Variants in CRHR1 observed in about 807,000 individuals in gnomAD.
CRHR1 encodes corticotropin-releasing hormone receptor 1.
In CRHR1, 28 loss-of-function variants were observed where a neutral mutation model predicts 56.0. The observed-to-expected ratio is 0.50, with a 90% CI of 0.37 to 0.69. CRHR1 has a LOEUF of 0.69. Ranked by LOEUF, CRHR1 falls within the 30% of genes least tolerant of loss-of-function variation. The pLI, the probability that CRHR1 is intolerant of heterozygous loss-of-function variation, is 0.00. For synonymous variants in CRHR1, 195 were observed against 216.5 expected (o/e 0.90, Z 0.87); for missense variants, 376 against 548.0 (o/e 0.69, Z 3.13).
chr17:45,825,987 T>C (rs1196395790), intron 4 of CRHR1: 1 of 152,374 alleles, frequency 6.6e-6, no homozygotes, highest in Non-Finnish European at 1.5e-5. Flanking sequence ...AATTGCTTAT[T>C]CAATTCAGAT....
chr17:45,786,957 C>T lies in CRHR1; in HGVS notation c.33+2380C>T, dbSNP rs114701236. On this transcript the variant is annotated intron_variant, in intron 1 of 12. Coordinates refer to ENST00000314537, the MANE Select transcript of CRHR1 (RefSeq NM_004382.5). ...TGCCCGGCCATTACCAGAAAATATTCGAAGCCACCTAAATCTCACTCTAGA... is the reference window on the plus strand; with the variant it reads ...TGCCCGGCCATTACCAGAAAATATTTGAAGCCACCTAAATCTCACTCTAGA... Among the ~76,000 whole-genome samples the T allele has an allele frequency of 1.1e-3, 164 of 152,184 alleles. 1 individual carries two copies. The highest frequency in any genetic ancestry group is 3.6e-3 in the African/African-American group (148 of 41,498).
chr17:45,794,725 G>C (rs1427786614), intron 1 of CRHR1, among the ~76,000 whole-genome samples: 1 of 152,232 alleles, frequency 6.6e-6, no homozygotes, highest in Non-Finnish European at 1.5e-5. Context: ...GCAGCCCCTA[G>C]TGGGGCAAGG....
rs897569304 is a variant in CRHR1, at chr17:45,784,357, C to G, written c.-188C>G. 1.8e-5 allele frequency: 6 copies of G among 341,736 alleles called. No homozygotes were observed. The highest frequency in any genetic ancestry group is 2.5e-5 in the Non-Finnish European group (5 of 198,282). The allele number at this position is 341,736 out of a possible 1,614,324, so 21.2% of individuals were successfully genotyped here. On this transcript the variant is annotated 5_prime_UTR_variant, in exon 1 of 13. Transcript: ENST00000314537. This position sits in a 1 kb window ranked among gnomAD's most constrained non-coding sequence, Gnocchi z 4.2. ...CCAGACTTCCCCGGGAAGGGGCGAG[C>G]GAGAGCCGGGCCGGGCCGGGCCGGG...
At chr17:45,820,275 G>A (rs564958612) in intron 3 of CRHR1, among the ~76,000 whole-genome samples, 1 of 152,344 alleles carries the variant, frequency 6.6e-6, no homozygotes, top group African/African-American at 2.4e-5. Context: ...CATGTTTAGA[G>A]CTACTGATGC....
chr17:45,796,494 G>A lies in CRHR1; in HGVS notation c.34-10516G>A, dbSNP rs146929337. ...TGTCTTTTGGAGGATCCAGGCTTGT[G>A]ATGAGGAAGAGGAGGGAAGGGAAGG... On this transcript the variant is annotated intron_variant, in intron 1 of 12. Transcript: ENST00000314537. Among the ~76,000 whole-genome samples the A allele has an allele frequency of 1.6e-3, 237 of 152,194 alleles. 1 individual carries two copies. The highest frequency in any genetic ancestry group is 5.5e-3 in the African/African-American group (230 of 41,514).
In CRHR1 at chr17:45,830,197, G is replaced by A. The variant is rs776070057; in HGVS notation, c.538G>A (p.Val180Ile). 3.8e-5 allele frequency: 62 copies of A among 1,613,978 alleles called. 1 individual carries two copies. Among genetic ancestry groups the A allele is most frequent in the Admixed American group, 2.5e-4 (15 of 59,996 alleles). Reference sequence around the variant, plus strand: ...GGTCCAGCTAACCATGAGCCCCGAGGTCCACCAGAGCAACGTGGTACGTCC... The same window carrying A: ...GGTCCAGCTAACCATGAGCCCCGAGATCCACCAGAGCAACGTGGTACGTCC... The part of the protein sequence containing the change: ...FVVQLTMSPE[V>I]HQSNVGWCRL... The change falls in exon 6 of 13, where the codon GTC becomes ATC. Residue 180 changes from valine (V) to isoleucine (I), a missense_variant. Coordinates refer to ENST00000314537, the MANE Select transcript of CRHR1 (RefSeq NM_004382.5).
Position 45,830,924 on chromosome 17 carries a change from T to A in CRHR1, c.754T>A (p.Tyr252Asn), listed in dbSNP as rs2062293837. The stretch of plus-strand genomic sequence containing the variant: ...TGTGGCCTGGGCCATTGGGAAGCTG[T>A]ACTACGACAATGAGAAGTAAGTCAT... ...IIVAWAIGKL[Y>N]YDNEKCWFGK... Residue 252 changes from tyrosine to asparagine, a missense_variant, in exon 8 of 13, where the codon TAC (tyrosine) becomes AAC (asparagine). Around this residue, in one of 2 missense-constraint regions of CRHR1, gnomAD observed 369 missense variants for 519.5 expected, o/e 0.71. Transcript: ENST00000314537. 1 of 1,613,764 alleles carries A rather than the reference T, an allele frequency of 6.2e-7. No homozygotes were observed. Among genetic ancestry groups the A allele is most frequent in the African/African-American group, 1.3e-5 (1 of 74,922 alleles).
At chr17:45,833,564 C>T (rs748904023) in intron 10 of CRHR1, 27 bp downstream of exon 10, 4 of 1,605,066 alleles carry the variant, frequency 2.5e-6, no homozygotes, top group Non-Finnish European at 3.4e-6. Flanking sequence ...TTCCTCAGGC[C>T]TCCCCCTGAT....
intron 2 of CRHR1, among the ~76,000 whole-genome samples, chr17:45,809,542 C>T (rs1311379787): frequency 1.3e-5 from 2 of 152,248 alleles, no homozygotes; most frequent in Admixed American, 6.5e-5. Context: ...GTGCCCGTGC[C>T]CCCAGCCCAG....
At chr17:45,800,245 T>C (rs1229865462) in intron 1 of CRHR1, 2 of 152,226 alleles carry the variant, frequency 1.3e-5, no homozygotes, top group Non-Finnish European at 2.9e-5. Context: ...CACCACTCAA[T>C]CCAGTGGATT....
intron 3 of CRHR1, 144 bp downstream of exon 3, chr17:45,816,726 T>C (rs2061936943): frequency 7.6e-7 from 1 of 1,314,536 alleles, no homozygotes; most frequent in Non-Finnish European, 1.0e-6. Context: ...AGGTCAGCGC[T>C]GTATTCTCCT....
At chr17:45,789,320 C>T (rs2061387713) in intron 1 of CRHR1, among the ~76,000 whole-genome samples, 2 of 152,006 alleles carry the variant, frequency 1.3e-5, no homozygotes. Context: ...AACTACAAAT[C>T]ATTCTTGTCT....
chr17:45,807,281 T>C (rs529095596), intron 2 of CRHR1, among the ~76,000 whole-genome samples, 184 bp downstream of exon 2: 16 of 151,948 alleles, frequency 1.1e-4, no homozygotes, highest in African/African-American at 3.6e-4. Context: ...GATCCTGAGG[T>C]TGGGTGTAAG....
intron 2 of CRHR1, among the ~76,000 whole-genome samples, chr17:45,811,334 G>A (rs113398858): frequency 1.5e-3 from 225 of 152,300 alleles, no homozygotes; most frequent in Non-Finnish European, 2.2e-3. Flanking sequence ...TCCCTGGCAG[G>A]TGGGAGCCCT....
chr17:45,817,365 G>A (rs138059574), intron 3 of CRHR1, among the ~76,000 whole-genome samples: 1 of 152,150 alleles, frequency 6.6e-6, no homozygotes, highest in Admixed American at 6.5e-5. Context: ...TGCAATTGGG[G>A]CCTCCTGTGT....
chr17:45,834,822 C>T lies in CRHR1; in HGVS notation c.*58C>T. 1 of 1,605,620 alleles carries T rather than the reference C, an allele frequency of 6.2e-7. No homozygotes were observed. The highest frequency in any genetic ancestry group is 8.5e-7 in the Non-Finnish European group (1 of 1,175,662). ...TGTGGCTGGGGGGATGACGGCCAGGCTCCCTGACCACCCTGCCTGTGGAGG... is the reference window on the plus strand; with the variant it reads ...TGTGGCTGGGGGGATGACGGCCAGGTTCCCTGACCACCCTGCCTGTGGAGG... On this transcript the variant is annotated 3_prime_UTR_variant, in exon 13 of 13. Transcript: ENST00000314537.
At chr17:45,821,661 G>T (rs1025914367) in intron 4 of CRHR1, among the ~76,000 whole-genome samples, 1 of 152,226 alleles carries the variant, frequency 6.6e-6, no homozygotes, top group African/African-American at 2.4e-5. Context: ...GGCTCTGATG[G>T]TGATGAGATG....
At chr17:45,802,490 G>A (rs2061641944) in intron 1 of CRHR1, among the ~76,000 whole-genome samples, 1 of 152,196 alleles carries the variant, frequency 6.6e-6, no homozygotes, top group African/African-American at 2.4e-5. Context: ...GAGATCAGCG[G>A]ATGGTGGGAG....
chr17:45,802,395 G>A (rs1253062699), intron 1 of CRHR1, among the ~76,000 whole-genome samples: 3 of 152,206 alleles, frequency 2.0e-5, no homozygotes, highest in Non-Finnish European at 4.4e-5. Flanking sequence ...TTGGGGGCCT[G>A]TTCCTGCCAG....
Sources: allele counts gnomAD v4.1 joint callset (sites outside exome capture counted in the v4.1 genomes callset), GRCh38; gene constraint gnomAD v4.1.1; regional missense constraint gnomAD v4.1.1; non-coding constraint Gnocchi (gnomAD v3.1); transcripts MANE v1.5; gene names NCBI Gene and HGNC (gene_info 2026-07-23, HGNC 2026-07-21).